Variants in HNF4A observed in about 807,000 individuals in gnomAD.
The protein encoded by HNF4A is hepatocyte nuclear factor 4-alpha.
HNF4A carries 15 observed loss-of-function variants against 52.4 expected under a neutral mutation model. That is an observed-to-expected ratio of 0.29 (90% CI 0.19 to 0.44). The LOEUF is 0.44. Ranked by LOEUF, HNF4A falls within the 20% of genes least tolerant of loss-of-function variation. HNF4A has a pLI of 1.00. For missense variants in HNF4A, 479 were observed against 647.2 expected (o/e 0.74, Z 2.82); for synonymous variants, 280 against 264.4 (o/e 1.06, Z -0.57).
At chr20:44,378,312 G>A (rs554413506) in intron 1 of HNF4A, among the ~76,000 whole-genome samples, 33 of 148,836 alleles carry the variant, frequency 2.2e-4, no homozygotes, top group African/African-American at 5.9e-4. Context: ...TCTGTCGCCC[G>A]GCTGGAGTGC....
intron 1 of HNF4A, among the ~76,000 whole-genome samples, chr20:44,370,302 C>T (rs2063020708): frequency 6.6e-6 from 1 of 152,240 alleles, no homozygotes; most frequent in Admixed American, 6.5e-5. Context: ...GCTGGGATTA[C>T]AGGCGTGAGC....
At chr20:44,404,613 T>C (rs79174693) in intron 1 of HNF4A, among the ~76,000 whole-genome samples, 1 of 151,578 alleles carries the variant, frequency 6.6e-6, no homozygotes, top group Non-Finnish European at 1.5e-5. Context: ...TTTGTATGTA[T>C]GCATGTGTGT....
intron 1 of HNF4A, among the ~76,000 whole-genome samples, chr20:44,404,617 T>A (rs1423624039): frequency 6.6e-6 from 1 of 151,772 alleles, no homozygotes; most frequent in African/African-American, 2.4e-5. Flanking sequence ...TATGTATGCA[T>A]GTGTGTGGAC....
At chr20:44,383,048 A>C (rs1362028079) in intron 1 of HNF4A, among the ~76,000 whole-genome samples, 1 of 152,168 alleles carries the variant, frequency 6.6e-6, no homozygotes, top group Non-Finnish European at 1.5e-5. Context: ...CCACACATGT[A>C]GTCCCAGCTA....
At position 44,419,702 on chromosome 20, in the gene HNF4A, T is replaced by C; in HGVS notation, c.737-19T>C. On this transcript the variant is annotated intron_variant, in intron 6 of 9. Coordinates refer to ENST00000316099, the MANE Select transcript of HNF4A (RefSeq NM_000457.6). ...ACCCAAGGTGACTTCCCATCCTCCC[T>C]CCCTCCCAACCCTTCCAGGCAATGA... The C allele has an allele frequency of 1.1e-5, 9 of 855,936 alleles. No homozygotes were observed. The highest frequency in any genetic ancestry group is 1.5e-5 in the Non-Finnish European group (8 of 544,148). The allele number at this position is 855,936 out of a possible 1,614,324, so 53.0% of individuals were successfully genotyped here.
upstream of HNF4A, among the ~76,000 whole-genome samples, chr20:44,400,012 T>C (rs2063388288): frequency 6.6e-6 from 1 of 152,168 alleles, no homozygotes; most frequent in Non-Finnish European, 1.5e-5. Context: ...CTTCCCCAGA[T>C]TGATTGGCAG....
At chr20:44,361,548 C>T (rs1343622782) in intron 1 of HNF4A, among the ~76,000 whole-genome samples, 6 of 152,110 alleles carry the variant, frequency 3.9e-5, no homozygotes, top group Admixed American at 3.9e-4. Context: ...GTAATCCCAG[C>T]ACTTTGGGAG....
rs139110637 is a variant in HNF4A, at chr20:44,412,153, C to T, written c.386-1541C>T. On this transcript the variant is annotated intron_variant, in intron 3 of 9. Coordinates refer to ENST00000316099, the MANE Select transcript of HNF4A (RefSeq NM_000457.6). ...ATTGAGTACCTACTGTGAACCAGGC[C>T]CTGTTCTGGTGGCTGGGACTACAGC... is the stretch of plus-strand genomic sequence containing the variant. Among the ~76,000 whole-genome samples, 88 of 152,278 alleles carry T rather than the reference C, an allele frequency of 5.8e-4. No homozygotes were observed. The South Asian group carries it at 0.014, about 24-fold the overall frequency.
intron 6 of HNF4A, 69 bp from the exon 7 acceptor site, chr20:44,419,652 A>G (rs2063716027): frequency 6.6e-7 from 1 of 1,521,068 alleles, no homozygotes; most frequent in African/African-American, 1.4e-5. Flanking sequence ...CCAACTTAAA[A>G]GCCAAAACTA....
intron 3 of HNF4A, among the ~76,000 whole-genome samples, chr20:44,412,075 G>T (rs192354802): frequency 6.6e-6 from 1 of 151,348 alleles, no homozygotes; most frequent in East Asian, 1.9e-4. Context: ...AAAAGAAAAA[G>T]AATTAGAGCT....
intron 1 of HNF4A, among the ~76,000 whole-genome samples, chr20:44,361,731 T>C (rs1361930641): frequency 6.6e-6 from 1 of 152,050 alleles, no homozygotes; most frequent in Non-Finnish European, 1.5e-5. Flanking sequence ...AAAAACAACT[T>C]TGCTTCAGAT....
chr20:44,432,345 T>TA lies in HNF4A; in HGVS notation c.*2680_*2681insA, dbSNP rs1491307606. The TA allele has an allele frequency of 1.4e-4, 1 of 7,122 alleles. No homozygotes were observed. The highest frequency in any genetic ancestry group is 5.7e-4 in the Non-Finnish European group (1 of 1,766). The allele number at this position is 7,122 out of a possible 1,614,324, so 0.4% of individuals were successfully genotyped here. A position where few individuals can be genotyped will look rare whatever the true frequency, so the allele number is the denominator to read the frequency against. ...TGATATTAGAAAATCTCTCGCTCTCTTTTTTTTTTTTTTTTTTTTTTTTGG... is the reference window on the plus strand; with the variant it reads ...TGATATTAGAAAATCTCTCGCTCTCTATTTTTTTTTTTTTTTTTTTTTTTGG... On this transcript the variant is annotated 3_prime_UTR_variant, in exon 10 of 10. Transcript: ENST00000316099.
rs1600734203 is a variant in HNF4A at position 44,419,827 on chromosome 20, C to T, written c.843C>T (p.Ile281=). The T allele has an allele frequency of 1.9e-5, 31 of 1,613,922 alleles. No individual in the cohort carries two copies. The highest frequency in any genetic ancestry group is 4.0e-5 in the African/African-American group (3 of 74,892). The change falls in exon 7 of 10, where the codon ATC becomes ATT. Residue 281 remains isoleucine, a synonymous_variant. Transcript: ENST00000316099. ...TGCTGCCCTTCCAGGAGCTGCAGAT[C>T]GATGACAATGAGTATGCCTACCTCA... is the stretch of plus-strand genomic sequence containing the variant.
At chr20:44,379,313 G>A (rs992819971) in intron 1 of HNF4A, among the ~76,000 whole-genome samples, 6 of 151,870 alleles carry the variant, frequency 4.0e-5, no homozygotes, top group East Asian at 3.9e-4. Flanking sequence ...GTATATACTC[G>A]GGAGTACAAT....
At position 44,385,059 on chromosome 20, in the gene HNF4A, C is replaced by CTTTTTTTTTTTTTTTTTTTTTTT. The variant is rs775721024; in HGVS notation, c.50-20993_50-20971dup. Among the ~76,000 whole-genome samples the CTTTTTTTTTTTTTTTTTTTTTTT allele has an allele frequency of 1.4e-3, 48 of 34,986 alleles. 13 individuals carry two copies. The highest frequency in any genetic ancestry group is 9.0e-3 in the East Asian group (4 of 442). 23.0% of individuals were successfully genotyped at this position (34,986 alleles called of 152,430 possible). A position where few individuals can be genotyped will look rare whatever the true frequency, so the allele number is the denominator to read the frequency against. ...AGTGGTTTCAGCTGAACTCTGTGATCTTTTTTTTTTTTTTTTTTTTTTTTT... is the reference window on the plus strand; with the variant it reads ...AGTGGTTTCAGCTGAACTCTGTGATCTTTTTTTTTTTTTTTTTTTTTTTTTTTTTTTTTTTTTTTTTTTTTTTT... On this transcript the variant is annotated intron_variant, in intron 1 of 9. Coordinates refer to the HNF4A transcript ENST00000316673.
intron 8 of HNF4A, chr20:44,424,639 A>T: frequency 7.3e-7 from 1 of 1,375,818 alleles, no homozygotes; most frequent in Non-Finnish European, 9.4e-7. Context: ...AGGTAATATG[A>T]TAGAGTTTAA....
intron 7 of HNF4A, among the ~76,000 whole-genome samples, chr20:44,420,664 C>T (rs2063732095): frequency 6.6e-6 from 1 of 151,672 alleles, no homozygotes; most frequent in Non-Finnish European, 1.5e-5. Context: ...ACCTGCAGTC[C>T]CAGCTACTCG....
intron 1 of HNF4A, among the ~76,000 whole-genome samples, chr20:44,357,129 ATCT>A (rs1220584243): frequency 6.6e-6 from 1 of 152,170 alleles, no homozygotes; most frequent in Non-Finnish European, 1.5e-5. Flanking sequence ...GTCAGGAAGA[ATCT>A]TCTTTGCTTT....
rs2063204036 is a variant in HNF4A at position 44,385,059 on chromosome 20, C to CTTTTTCTT, written c.50-20994_50-20993insCTTTTTTT. Among the ~76,000 whole-genome samples the CTTTTTCTT allele has an allele frequency of 6.9e-4, 24 of 34,986 alleles. 3 individuals carry two copies. In the East Asian group the frequency reaches 0.052, roughly 76 times the overall value. 23.0% of individuals were successfully genotyped at this position (34,986 alleles called of 152,430 possible). On this transcript the variant is annotated intron_variant, in intron 1 of 9. Transcript: ENST00000316673. The stretch of plus-strand genomic sequence containing the variant: ...AGTGGTTTCAGCTGAACTCTGTGAT[C>CTTTTTCTT]TTTTTTTTTTTTTTTTTTTTTTTTT...
Sources: gnomAD v4.1 joint callset for allele counts (sites outside exome capture counted in the v4.1 genomes callset) on GRCh38, gnomAD v4.1.1 for gene constraint, MANE v1.5 for transcripts, NCBI Gene and HGNC (gene_info 2026-07-23, HGNC 2026-07-21) for gene names.